CEP112: variants seen among roughly 807,000 people sequenced by gnomAD.
CEP112 encodes the protein centrosomal protein of 112 kDa.
In CEP112, 127 loss-of-function variants were observed where a neutral mutation model predicts 153.0. The ratio of observed to expected loss-of-function variants is 0.83; its 90% CI spans 0.72 to 0.96. The LOEUF is 0.96. Among genes scored for constraint, CEP112 ranks in the 40% least tolerant of loss-of-function variants. The pLI, the probability that CEP112 is intolerant of heterozygous loss-of-function variation, is 0.00. For missense variants in CEP112, 1,089 were observed against 1,101.2 expected, an observed-to-expected ratio of 0.99 and a Z score of 0.16; for synonymous variants, 358 against 374.4, an observed-to-expected ratio of 0.96 and a Z score of 0.51.
At chr17:65,953,862 T>A (rs2061919342) in intron 18 of CEP112, among the ~76,000 whole-genome samples, 3 of 152,188 alleles carry the variant, frequency 2.0e-5, no homozygotes, top group African/African-American at 7.2e-5. Flanking sequence ...CTAGTGGTCT[T>A]TCTCTGCCTA....
At chr17:65,847,811 G>A (rs968274610) in intron 21 of CEP112, among the ~76,000 whole-genome samples, 3 of 152,170 alleles carry the variant, frequency 2.0e-5, no homozygotes, top group East Asian at 1.9e-4. Flanking sequence ...TGAAAAGGTC[G>A]GGGAAGGATG....
intron 8 of CEP112, among the ~76,000 whole-genome samples, chr17:66,076,788 C>G (rs1399073148): frequency 2.0e-5 from 3 of 152,196 alleles, no homozygotes; most frequent in Non-Finnish European, 4.4e-5. Flanking sequence ...AAGCTAAGAA[C>G]CCTCACAGAG....
intron 6 of CEP112, among the ~76,000 whole-genome samples, chr17:66,097,831 C>T (rs1424523751): frequency 4.6e-5 from 7 of 152,158 alleles, no homozygotes; most frequent in Non-Finnish European, 1.0e-4. Context: ...AAAATCTCTA[C>T]CGTGAAAGTC....
chr17:65,964,088 T>G (rs1824699117), intron 17 of CEP112, among the ~76,000 whole-genome samples: 3 of 152,282 alleles, frequency 2.0e-5, no homozygotes, highest in South Asian at 4.1e-4. Flanking sequence ...TTTGCAGCAA[T>G]GGGGTACAGG....
chr17:65,689,747 G>A (rs2048004143), intron 23 of CEP112, among the ~76,000 whole-genome samples: 1 of 152,134 alleles, frequency 6.6e-6, no homozygotes, highest in African/African-American at 2.4e-5. Flanking sequence ...ATGGAAAGAG[G>A]TGAACTCTTT....
At chr17:65,923,914 C>A (rs145690013) in intron 19 of CEP112, among the ~76,000 whole-genome samples, 366 of 152,226 alleles carry the variant, frequency 2.4e-3, no homozygotes, top group African/African-American at 8.4e-3. Flanking sequence ...TATGTTGGCA[C>A]CTTCAGATTT....
intron 6 of CEP112, among the ~76,000 whole-genome samples, chr17:66,103,784 T>C (rs1472149606): frequency 2.6e-5 from 4 of 152,112 alleles, no homozygotes; most frequent in Non-Finnish European, 5.9e-5. Flanking sequence ...CCCCCAGCAG[T>C]GGCTACATGG....
At chr17:65,977,712 G>A (rs2063088354) in intron 17 of CEP112, among the ~76,000 whole-genome samples, 1 of 152,186 alleles carries the variant, frequency 6.6e-6, no homozygotes, top group Non-Finnish European at 1.5e-5. Context: ...AAGCCGAGGT[G>A]GGAGGATCCC....
chr17:65,901,720 A>G (rs2059856907), intron 20 of CEP112, among the ~76,000 whole-genome samples: 1 of 152,100 alleles, frequency 6.6e-6, no homozygotes, highest in South Asian at 2.1e-4. Context: ...GAAAACAGCA[A>G]CACTAGGAAG....
chr17:66,102,927 C>G (rs1451271882), intron 6 of CEP112, among the ~76,000 whole-genome samples: 1 of 149,676 alleles, frequency 6.7e-6, no homozygotes, highest in African/African-American at 2.5e-5. Flanking sequence ...GAAAAAACTA[C>G]AAGTATGAAA....
At chr17:66,086,740 G>C (rs1411236742) in intron 8 of CEP112, among the ~76,000 whole-genome samples, 2 of 151,084 alleles carry the variant, frequency 1.3e-5, no homozygotes, top group Non-Finnish European at 2.9e-5. Flanking sequence ...AGAACACATA[G>C]AGAAAAGAAA....
chr17:65,901,046 C>G (rs1413276294), intron 20 of CEP112, among the ~76,000 whole-genome samples: 1 of 152,168 alleles, frequency 6.6e-6, no homozygotes, highest in African/African-American at 2.4e-5. Flanking sequence ...ACCAATAACT[C>G]CTATTCTTTG....
rs547922311 is a variant in CEP112 at position 65,837,295 on chromosome 17, G to A, written c.2394+14509C>T. Among the ~76,000 whole-genome samples, 6 of 150,400 alleles carry A rather than the reference G, an allele frequency of 4.0e-5. No homozygotes were observed. The East Asian group carries it at 9.9e-4, about 25-fold the overall frequency. ...TGGGATGTGAGGAGCCCCTCTGCCC[G>A]GCCGCCCAGTCTGGAAAGTGAGGAG... On this transcript the variant is annotated intron_variant, in intron 21 of 26. Transcript: ENST00000535342.
chr17:65,810,534 T>C (rs958163072), intron 21 of CEP112, among the ~76,000 whole-genome samples: 2 of 152,126 alleles, frequency 1.3e-5, no homozygotes, highest in East Asian at 1.9e-4. Context: ...TCACATTAAA[T>C]TATTGATAAC....
At chr17:65,761,686 A>T (rs888540419) in intron 21 of CEP112, among the ~76,000 whole-genome samples, 2 of 152,078 alleles carry the variant, frequency 1.3e-5, no homozygotes, top group African/African-American at 2.4e-5. Flanking sequence ...TATAATCCCA[A>T]AGTATTTGGG....
At chr17:65,923,395 AT>A (rs1176421691) in intron 19 of CEP112, among the ~76,000 whole-genome samples, 4 of 152,168 alleles carry the variant, frequency 2.6e-5, no homozygotes, top group Admixed American at 6.5e-5. Context: ...AGAATATAAT[AT>A]AGACCAGGCA....
At chr17:65,653,395 A>T (rs2045885899) in intron 24 of CEP112, among the ~76,000 whole-genome samples, 1 of 152,222 alleles carries the variant, frequency 6.6e-6, no homozygotes, top group African/African-American at 2.4e-5. Flanking sequence ...CTGTTCTTTG[A>T]ATGTCTGGCT....
intron 21 of CEP112, among the ~76,000 whole-genome samples, chr17:65,775,784 T>C (rs1363950113): frequency 6.6e-6 from 1 of 152,230 alleles, no homozygotes; most frequent in Admixed American, 6.5e-5. Flanking sequence ...ATTACAGGCA[T>C]GAGCCATTGC....
At chr17:65,890,882 T>C (rs2059438739) in intron 20 of CEP112, among the ~76,000 whole-genome samples, 1 of 152,198 alleles carries the variant, frequency 6.6e-6, no homozygotes, top group South Asian at 2.1e-4. Context: ...AGGGTTATTG[T>C]TACTGTGTCT....
Sources: allele counts gnomAD v4.1 joint callset (sites outside exome capture counted in the v4.1 genomes callset), GRCh38; gene constraint gnomAD v4.1.1; transcripts MANE v1.5; gene names NCBI Gene and HGNC (gene_info 2026-07-23, HGNC 2026-07-21).